The following TNNI3K variants were observed in gnomAD, a reference collection of about 807,000 sequenced individuals.
TNNI3K encodes TNNI3 interacting kinase, also known as serine/threonine-protein kinase TNNI3K.
A neutral mutation model predicts 114.5 loss-of-function variants in TNNI3K; 140 were observed. The observed-to-expected ratio is 1.22, with a 90% CI of 1.07 to 1.41. TNNI3K has a LOEUF of 1.41. Among genes scored for constraint, TNNI3K ranks in the 40% most tolerant of loss-of-function variants. TNNI3K has a pLI of 0.00. For synonymous variants in TNNI3K, 347 were observed against 347.5 expected (o/e 1.00, Z 0.02); for missense variants, 1,125 against 1,007.6 (o/e 1.12, Z -1.58).
intron 21 of TNNI3K, chr1:74,472,318 C>T: frequency 3.3e-6 from 2 of 601,260 alleles, no homozygotes; most frequent in Non-Finnish European, 5.9e-6. Context: ...AATTGCAGTT[C>T]TTCACTATTT....
At chr1:74,508,946 A>G (rs927583257) in intron 23 of TNNI3K, among the ~76,000 whole-genome samples, 2 of 152,140 alleles carry the variant, frequency 1.3e-5, no homozygotes, top group Non-Finnish European at 2.9e-5. Context: ...TCCCTGAGAA[A>G]CTTATGTTGT....
At chr1:74,498,631 A>C (rs1181635560) in intron 23 of TNNI3K, among the ~76,000 whole-genome samples, 2 of 152,178 alleles carry the variant, frequency 1.3e-5, no homozygotes, top group Non-Finnish European at 2.9e-5. Flanking sequence ...AAACTCTGGC[A>C]TTCAGATTTT....
At chr1:74,482,289 T>G (rs1178038907) in intron 21 of TNNI3K, among the ~76,000 whole-genome samples, 3 of 152,192 alleles carry the variant, frequency 2.0e-5, no homozygotes, top group Non-Finnish European at 4.4e-5. Context: ...TTATGAAATC[T>G]AACTTCACAA....
intron 24 of TNNI3K, 140 bp downstream of exon 24, chr1:74,540,453 G>A (rs577753114): frequency 1.2e-4 from 99 of 793,230 alleles, no homozygotes; most frequent in Non-Finnish European, 1.8e-4. Flanking sequence ...TATAAAATTT[G>A]ATTTTATATG....
intron 17 of TNNI3K, among the ~76,000 whole-genome samples, chr1:74,392,257 A>G (rs922377318): frequency 6.6e-6 from 1 of 152,176 alleles, no homozygotes; most frequent in Non-Finnish European, 1.5e-5. Flanking sequence ...GGTGTCCATG[A>G]TAAGGGAATA....
intron 5 of TNNI3K, among the ~76,000 whole-genome samples, chr1:74,307,691 T>C (rs949629810): frequency 3.3e-5 from 5 of 152,058 alleles, no homozygotes; most frequent in African/African-American, 1.2e-4. Context: ...TCAGTAACAG[T>C]GGAGGACGGC....
chr1:74,489,455 C>A (rs555003733), intron 22 of TNNI3K, among the ~76,000 whole-genome samples: 1 of 152,130 alleles, frequency 6.6e-6, no homozygotes, highest in South Asian at 2.1e-4. Context: ...GAATTCGAGA[C>A]CTTCCAACAA....
intron 5 of TNNI3K, among the ~76,000 whole-genome samples, chr1:74,311,687 G>A (rs1431223323): frequency 1.3e-5 from 2 of 152,154 alleles, no homozygotes; most frequent in African/African-American, 4.8e-5. Flanking sequence ...TGTTCTTGGT[G>A]ACATTTTATC....
intron 17 of TNNI3K, among the ~76,000 whole-genome samples, chr1:74,380,694 G>T (rs891747693): frequency 1.3e-5 from 2 of 152,066 alleles, no homozygotes; most frequent in African/African-American, 2.4e-5. Context: ...TCTCTGTTTG[G>T]CTTCGTTTCT....
rs566662611 is a variant in TNNI3K, at chr1:74,237,169, T to G, written c.149+959T>G. Reference sequence around the variant, plus strand: ...GGATGTAACAAGGCTTTCACAAGTGTTCAACTTATGGTTCAAAAAGTAGTT... The same window carrying G: ...GGATGTAACAAGGCTTTCACAAGTGGTCAACTTATGGTTCAAAAAGTAGTT... On this transcript the variant is annotated intron_variant, in intron 2 of 24. Coordinates refer to ENST00000326637, the MANE Select transcript of TNNI3K (RefSeq NM_015978.3). 9.2e-5 allele frequency among the ~76,000 whole-genome samples: 14 copies of G among 152,086 alleles called. No individual in the cohort carries two copies. In the East Asian group the frequency reaches 2.3e-3, roughly 25 times the overall value.
At chr1:74,434,022 A>C (rs868297850) in intron 17 of TNNI3K, among the ~76,000 whole-genome samples, 1 of 151,984 alleles carries the variant, frequency 6.6e-6, no homozygotes, top group Non-Finnish European at 1.5e-5. Context: ...ATTTTGATGG[A>C]TCCACTCTAC....
intron 21 of TNNI3K, chr1:74,465,026 T>C (rs1667607169): frequency 2.7e-6 from 3 of 1,098,304 alleles, no homozygotes; most frequent in Non-Finnish European, 2.2e-6. Flanking sequence ...AAACATTTTC[T>C]TGTATTTCAG....
intron 4 of TNNI3K, among the ~76,000 whole-genome samples, chr1:74,266,221 A>G (rs1655975565): frequency 6.6e-6 from 1 of 152,038 alleles, no homozygotes; most frequent in African/African-American, 2.4e-5. Flanking sequence ...TGGAGGCTTA[A>G]CACACTGACT....
intron 23 of TNNI3K, among the ~76,000 whole-genome samples, chr1:74,509,009 G>A (rs996280320): frequency 2.6e-5 from 4 of 152,166 alleles, no homozygotes; most frequent in African/African-American, 9.7e-5. Context: ...ACCCACGGAT[G>A]GATAAACCCC....
intron 20 of TNNI3K, among the ~76,000 whole-genome samples, chr1:74,451,651 C>CTTTTTTT (rs1557574895): frequency 1.3e-5 from 1 of 76,380 alleles, no homozygotes; most frequent in African/African-American, 5.0e-5. Context: ...TCTTTCTTTC[C>CTTTTTTT]TTTCTTTTTT....
chr1:74,457,944 A>G (rs1667294785), intron 20 of TNNI3K, among the ~76,000 whole-genome samples: 1 of 152,196 alleles, frequency 6.6e-6, no homozygotes, highest in Non-Finnish European at 1.5e-5. Context: ...ATTCATACCC[A>G]AAGAGAACCT....
At chr1:74,270,678 G>A (rs1156320364) in intron 4 of TNNI3K, among the ~76,000 whole-genome samples, 1 of 151,696 alleles carries the variant, frequency 6.6e-6, no homozygotes, top group African/African-American at 2.4e-5. Context: ...TTATATGTAT[G>A]TAAGTCATAA....
rs141955645 is a variant in TNNI3K at position 74,353,302 on chromosome 1, A to G, written c.969A>G (p.Lys323=). The G allele has an allele frequency of 2.0e-3, 3,304 of 1,613,784 alleles. 11 individuals are homozygous for G. Among genetic ancestry groups the G allele is most frequent in the Non-Finnish European group, 2.5e-3 (2,960 of 1,179,920 alleles). The change falls in exon 10 of 25, where the codon AAA becomes AAG. Residue 323 remains lysine, a synonymous_variant. Transcript: ENST00000326637. ...ATGGCAAGAGCATTGACCTAGTCAAATTTCTTCTTGATCAGAATGTCATAA... is the reference window on the plus strand; with the variant it reads ...ATGGCAAGAGCATTGACCTAGTCAAGTTTCTTCTTGATCAGAATGTCATAA... ...CTYGKSIDLV[K]FLLDQNVINI...
intron 17 of TNNI3K, among the ~76,000 whole-genome samples, chr1:74,408,639 G>A (rs1476402588): frequency 2.0e-5 from 3 of 152,106 alleles, no homozygotes; most frequent in Non-Finnish European, 2.9e-5. Flanking sequence ...TTCTAATTCT[G>A]GGTTCCCTGT....
Sources: allele counts gnomAD v4.1 joint callset (sites outside exome capture counted in the v4.1 genomes callset), GRCh38; gene constraint gnomAD v4.1.1; transcripts MANE v1.5; gene names NCBI Gene and HGNC (gene_info 2026-07-23, HGNC 2026-07-21).